The following DROSHA variants were observed in gnomAD, a reference collection of about 807,000 sequenced individuals.
DROSHA encodes ribonuclease 3.
In DROSHA, 56 loss-of-function variants were observed where a neutral mutation model predicts 181.9. The ratio of observed to expected loss-of-function variants is 0.31; its 90% CI spans 0.25 to 0.38. The LOEUF (loss-of-function observed/expected upper bound fraction) is 0.38, where lower values mean the gene tolerates loss of function less well. DROSHA is among the 10% of genes least tolerant of loss of function. The pLI, the probability that DROSHA is intolerant of heterozygous loss-of-function variation, is 1.00. For synonymous variants in DROSHA, 524 were observed against 591.2 expected (o/e 0.89, Z 1.65); for missense variants, 1,218 against 1,743.5 (o/e 0.70, Z 5.37).
chr5:31,421,493 A>G (rs1319340942), intron 29 of DROSHA, 116 bp from the exon 30 acceptor site: 1 of 842,274 alleles, frequency 1.2e-6, no homozygotes, highest in African/African-American at 1.7e-5. Context: ...ATTTTGTTTT[A>G]AAGCACAAAA....
At chr5:31,463,654 C>T (rs1273987867) in intron 20 of DROSHA, among the ~76,000 whole-genome samples, 1 of 152,070 alleles carries the variant, frequency 6.6e-6, no homozygotes, top group Non-Finnish European at 1.5e-5. Flanking sequence ...ATATAAATTC[C>T]ACCCATAGGA....
intron 28 of DROSHA, 58 bp from the exon 29 acceptor site, chr5:31,423,002 T>C (rs1208166351): frequency 1.4e-6 from 2 of 1,430,418 alleles, no homozygotes; most frequent in African/African-American, 2.9e-5. Flanking sequence ...GTAAGTGCAA[T>C]GATCAATTCT....
intron 29 of DROSHA, 149 bp downstream of exon 29, chr5:31,422,638 A>G: frequency 3.4e-6 from 3 of 893,852 alleles, no homozygotes; most frequent in Non-Finnish European, 3.3e-6. Context: ...CCAGGTCCAC[A>G]CTGAGGTCTG....
In DROSHA at chr5:31,401,520, C is replaced by A; in HGVS notation, c.4037G>T (p.Arg1346Leu). ...TTCTTTTAACTCTTGTCTGTACTTC[C>A]GTTCGATGAACCGCTTCTGATGGGC... ...QMAHQKRFIE[R>L]KYRQELKEMR... is the part of the protein sequence containing the mutation. The change falls in exon 36 of 36, where the codon CGG (arginine) becomes CTG (leucine). Residue 1346 changes from arginine (R) to leucine (L), a missense_variant. Arg to Leu is a moderately radical substitution (Grantham distance 102, BLOSUM62 -2). This residue lies in a region of DROSHA where 48 missense variants were observed against 124.9 expected (regional missense o/e 0.38). Coordinates refer to ENST00000344624, the MANE Select transcript of DROSHA (RefSeq NM_001382508.1). The A allele has an allele frequency of 6.2e-7, 1 of 1,606,382 alleles. No homozygotes were observed. Among genetic ancestry groups the A allele is most frequent in the African/African-American group, 1.3e-5 (1 of 74,780 alleles).
At position 31,495,326 on chromosome 5, in the gene DROSHA, A is replaced by C; in HGVS notation, c.1715T>G (p.Phe572Cys). The C allele has an allele frequency of 6.2e-7, 1 of 1,613,748 alleles. No homozygotes were observed. The stretch of plus-strand genomic sequence containing the variant: ...CGGGGAGACTGTGATCCGGTAGTGG[A>C]AAAGTCTGCCAGCATTGTTGGTCAT... Reference protein sequence around the residue: ...RPMTNNAGRLFHYRITVSPPT... With the variant: ...RPMTNNAGRLCHYRITVSPPT... Residue 572 changes from phenylalanine to cysteine, a missense_variant, in exon 12 of 36, where the codon TTC (phenylalanine) becomes TGC (cysteine). By Grantham distance (205) the Phe-to-Cys change is radical. Coordinates refer to ENST00000344624, the MANE Select transcript of DROSHA (RefSeq NM_001382508.1).
chr5:31,488,066 A>C (rs184156016), intron 13 of DROSHA, among the ~76,000 whole-genome samples: 18 of 152,292 alleles, frequency 1.2e-4, no homozygotes, highest in Non-Finnish European at 8.8e-5. Context: ...AACAAGCAAC[A>C]AAAAAAGTAT....
At chr5:31,452,811 C>T (rs568958811) in intron 20 of DROSHA, among the ~76,000 whole-genome samples, 3 of 152,142 alleles carry the variant, frequency 2.0e-5, no homozygotes, top group Non-Finnish European at 4.4e-5. Context: ...TAAGGCCTTA[C>T]AATATGTGTG....
chr5:31,459,414 TAA>T (rs4050153), intron 20 of DROSHA, among the ~76,000 whole-genome samples: 62,953 of 129,778 alleles, frequency 0.49, 16,449 homozygotes, highest in South Asian at 0.64. Flanking sequence ...TCCCATGTCT[TAA>T]AAAAAAAAAA....
intron 30 of DROSHA, among the ~76,000 whole-genome samples, chr5:31,415,710 C>T (rs573354466): frequency 1.3e-5 from 2 of 152,120 alleles, no homozygotes; most frequent in Non-Finnish European, 2.9e-5. Context: ...ACACAGCAGG[C>T]ACGGAGATTA....
chr5:31,505,633 T>C (rs1363032266), intron 10 of DROSHA: 4 of 152,344 alleles, frequency 2.6e-5, no homozygotes, highest in South Asian at 4.1e-4. Context: ...AGAGCTCAGA[T>C]AGGGAAAATG....
intron 25 of DROSHA, among the ~76,000 whole-genome samples, chr5:31,435,399 T>TA (rs1348662094): frequency 6.6e-6 from 1 of 152,208 alleles, no homozygotes; most frequent in Admixed American, 6.5e-5. Flanking sequence ...TAATGTAAAT[T>TA]AAAAACAAAT....
In DROSHA at chr5:31,482,054, C is replaced by T. The variant is rs180706534; in HGVS notation, c.2071+1500G>A. On this transcript the variant is annotated intron_variant, in intron 16 of 35. Transcript: ENST00000344624. ...CTCTCAGGCATGAGGGAGACAAGGG[C>T]TCCTGCCCAAGGGAGACAGGGGCTT... Among the ~76,000 whole-genome samples, 35 of 152,310 alleles carry T rather than the reference C, an allele frequency of 2.3e-4. 1 individual carries two copies. The East Asian group carries it at 5.8e-3, about 25-fold the overall frequency.
At chr5:31,524,596 T>C (rs1179616430) in intron 5 of DROSHA, among the ~76,000 whole-genome samples, 1 of 152,192 alleles carries the variant, frequency 6.6e-6, no homozygotes, top group Non-Finnish European at 1.5e-5. Flanking sequence ...TCTTTTATTT[T>C]TCCATATAAA....
chr5:31,528,476 G>C (rs774562880), intron 4 of DROSHA, among the ~76,000 whole-genome samples: 1 of 151,920 alleles, frequency 6.6e-6, no homozygotes, highest in South Asian at 2.1e-4. Context: ...CATCTGACTT[G>C]TCCTCCCTCA....
At chr5:31,428,527 A>G (rs1008111992) in intron 27 of DROSHA, among the ~76,000 whole-genome samples, 3 of 152,242 alleles carry the variant, frequency 2.0e-5, no homozygotes, top group Admixed American at 6.5e-5. Context: ...TAATCTTCCC[A>G]TAAGGAGGAA....
At chr5:31,407,660 C>A (rs1029342366) in intron 33 of DROSHA, among the ~76,000 whole-genome samples, 1 of 152,090 alleles carries the variant, frequency 6.6e-6, no homozygotes, top group Non-Finnish European at 1.5e-5. Flanking sequence ...TGTAAAACAA[C>A]CCCATGATCT....
chr5:31,474,248 T>TA (rs1384052417), intron 16 of DROSHA, among the ~76,000 whole-genome samples: 9 of 152,364 alleles, frequency 5.9e-5, no homozygotes, highest in African/African-American at 1.2e-4. Flanking sequence ...GACTTTTTTT[T>TA]ATGCCTCATT....
intron 19 of DROSHA, 68 bp downstream of exon 19, chr5:31,466,114 A>G (rs1748978694): frequency 1.3e-6 from 2 of 1,504,158 alleles, no homozygotes; most frequent in East Asian, 2.3e-5. Context: ...ATAGTGTGAT[A>G]CAACAATCAC....
At chr5:31,520,361 CT>C (rs1368327809) in intron 6 of DROSHA, among the ~76,000 whole-genome samples, 4 of 152,054 alleles carry the variant, frequency 2.6e-5, no homozygotes, top group Non-Finnish European at 5.9e-5. Flanking sequence ...CACTGTAGTT[CT>C]ATTTCCATTT....
Sources: allele counts gnomAD v4.1 joint callset (sites outside exome capture counted in the v4.1 genomes callset), GRCh38; gene constraint gnomAD v4.1.1; regional missense constraint gnomAD v4.1.1; transcripts MANE v1.5; gene names NCBI Gene and HGNC (gene_info 2026-07-23, HGNC 2026-07-21).